Variants in ITGB8 observed in about 807,000 individuals in gnomAD.
ITGB8 encodes the protein integrin beta-8.
In ITGB8, 30 loss-of-function variants were observed where a neutral mutation model predicts 89.5. That is an observed-to-expected ratio of 0.34 (90% confidence interval 0.25 to 0.45). The LOEUF (loss-of-function observed/expected upper bound fraction) is 0.45, where lower values mean the gene tolerates loss of function less well. ITGB8 is among the 20% of genes least tolerant of loss of function. ITGB8 has a pLI of 1.00. For synonymous variants in ITGB8, 335 were observed against 320.4 expected, an observed-to-expected ratio of 1.05 and a Z score of -0.49; for missense variants, 836 against 933.3, an observed-to-expected ratio of 0.90 and a Z score of 1.36.
In ITGB8 at chr7:20,406,058, G is replaced by A; in HGVS notation, c.1914-4G>A. On this transcript the variant is annotated splice_region_variant and splice_polypyrimidine_tract_variant and intron_variant, in intron 11 of 13. Transcript: ENST00000222573. ...AATATTTTCACTTCTGTTTCCCCTT[G>A]CAGGAATTGTATGCAATGCCTTCAC... 6.5e-7 allele frequency: 1 copy of A among 1,546,994 alleles called. No individual in the cohort carries two copies. Among genetic ancestry groups the A allele is most frequent in the Non-Finnish European group, 8.9e-7 (1 of 1,119,402 alleles).
chr7:20,396,161 G>A (rs763644308), intron 8 of ITGB8, among the ~76,000 whole-genome samples: 4 of 152,224 alleles, frequency 2.6e-5, no homozygotes, highest in East Asian at 1.9e-4. Context: ...AACTTAGGCC[G>A]GGCGCGGTGG....
chr7:20,353,322 A>G (rs1389016510), intron 1 of ITGB8: 2 of 152,226 alleles, frequency 1.3e-5, no homozygotes, highest in Non-Finnish European at 2.9e-5. Context: ...TCCCTGAAAC[A>G]TAAAGATTAT....
intron 11 of ITGB8, among the ~76,000 whole-genome samples, chr7:20,405,578 A>G (rs1787506723): frequency 6.6e-6 from 1 of 151,508 alleles, no homozygotes; most frequent in Non-Finnish European, 1.5e-5. Context: ...TCGGCCTCCC[A>G]AAGTGCTGGG....
intron 3 of ITGB8, among the ~76,000 whole-genome samples, chr7:20,374,869 G>A (rs922138925): frequency 1.3e-5 from 2 of 152,104 alleles, no homozygotes; most frequent in Admixed American, 1.3e-4. Flanking sequence ...CAAAAAATAA[G>A]TAATTTGGAT....
chr7:20,395,472 T>C (rs1183854307), intron 8 of ITGB8, among the ~76,000 whole-genome samples: 3 of 152,250 alleles, frequency 2.0e-5, no homozygotes, highest in African/African-American at 7.2e-5. Flanking sequence ...AGCATTTTTA[T>C]CAAAAGAGTT....
At chr7:20,405,762 C>G (rs1414733350) in intron 11 of ITGB8, among the ~76,000 whole-genome samples, 1 of 152,160 alleles carries the variant, frequency 6.6e-6, no homozygotes, top group East Asian at 1.9e-4. Context: ...AATTTGAGAT[C>G]TGCACAAAGA....
intron 6 of ITGB8, chr7:20,382,115 G>A (rs1786424069): frequency 2.5e-6 from 1 of 397,092 alleles, no homozygotes; most frequent in East Asian, 4.0e-5. Context: ...TTTGATGAAT[G>A]ACAAAGCACT....
rs1786886578 is a variant in ITGB8 at position 20,392,139 on chromosome 7, CTG to C, written c.1056+643_1056+644del. Among the ~76,000 whole-genome samples the C allele has an allele frequency of 2.6e-5, 4 of 152,150 alleles. No homozygotes were observed. The South Asian group carries it at 8.3e-4, about 32-fold the overall frequency. ...AGCATAGAACTGTTCCTCTGCAACC[CTG>C]TTATAGCTTTCTTTTCACAATCTTT... On this transcript the variant is annotated intron_variant, in intron 7 of 13. Transcript: ENST00000222573.
chr7:20,360,471 A>G lies in ITGB8; in HGVS notation c.128-3166A>G, dbSNP rs553063780. Among the ~76,000 whole-genome samples the G allele has an allele frequency of 4.6e-5, 7 of 151,014 alleles. No homozygotes were observed. In the East Asian group the frequency reaches 1.2e-3, roughly 25 times the overall value. On this transcript the variant is annotated intron_variant, in intron 1 of 13. Coordinates refer to ENST00000222573, the MANE Select transcript of ITGB8 (RefSeq NM_002214.3). The stretch of plus-strand genomic sequence containing the variant: ...TCAGCCAAATTGTGTACATTACACA[A>G]TAGGTAATTTTTCATCCCTCAGCCC...
intron 1 of ITGB8, among the ~76,000 whole-genome samples, chr7:20,348,444 G>C (rs1785000098): frequency 1.3e-5 from 2 of 152,198 alleles, no homozygotes; most frequent in Non-Finnish European, 2.9e-5. Flanking sequence ...CCTGCCTTCT[G>C]TCTCAGCCTC....
chr7:20,357,105 T>C (rs1338448568), intron 1 of ITGB8, among the ~76,000 whole-genome samples: 2 of 152,138 alleles, frequency 1.3e-5, no homozygotes, highest in Non-Finnish European at 1.5e-5. Context: ...GTCATAACCA[T>C]TTAATTCTGG....
At chr7:20,389,222 G>A (rs10278355) in intron 6 of ITGB8, among the ~76,000 whole-genome samples, 84,823 of 151,998 alleles carry the variant, frequency 0.56, 24,146 homozygotes, top group South Asian at 0.72. Context: ...ACAATGGTTG[G>A]ACTAATTTAC....
At chr7:20,339,608 G>A (rs1443767111) in intron 1 of ITGB8, among the ~76,000 whole-genome samples, 1 of 152,134 alleles carries the variant, frequency 6.6e-6, no homozygotes, top group Non-Finnish European at 1.5e-5. Context: ...ACTAATATTA[G>A]TTTAGGAAAC....
intron 1 of ITGB8, among the ~76,000 whole-genome samples, chr7:20,335,398 G>A (rs963428081): frequency 1.3e-5 from 2 of 152,080 alleles, no homozygotes; most frequent in East Asian, 1.9e-4. Flanking sequence ...TTTTTGATAC[G>A]CATGTATATG....
In ITGB8 at chr7:20,406,055, C is replaced by T. The variant is rs202145576; in HGVS notation, c.1914-7C>T. 2.3e-4 allele frequency: 355 copies of T among 1,531,446 alleles called. No individual in the cohort carries two copies. Among genetic ancestry groups the T allele is most frequent in the Non-Finnish European group, 2.7e-4 (296 of 1,104,824 alleles). The allele number at this position is 1,531,446 out of a possible 1,614,324, so 94.9% of individuals were successfully genotyped here. On this transcript the variant is annotated splice_region_variant and splice_polypyrimidine_tract_variant and intron_variant, in intron 11 of 13. Coordinates refer to ENST00000222573, the MANE Select transcript of ITGB8 (RefSeq NM_002214.3). ...ATAAATATTTTCACTTCTGTTTCCC[C>T]TTGCAGGAATTGTATGCAATGCCTT...
Position 20,391,499 on chromosome 7 carries a change from G to T in ITGB8, c.1056+1G>T. 1 of 1,468,022 alleles carries T rather than the reference G, an allele frequency of 6.8e-7. No homozygotes were observed. The highest frequency in any genetic ancestry group is 9.3e-7 in the Non-Finnish European group (1 of 1,073,464). The allele number at this position is 1,468,022 out of a possible 1,614,324, so 90.9% of individuals were successfully genotyped here. Reference sequence around the variant, plus strand: ...AGGAAAACAATTTCATTGGTATAAGGTATGTTAACTCTGAAAATGTTAAAA... The same window carrying T: ...AGGAAAACAATTTCATTGGTATAAGTTATGTTAACTCTGAAAATGTTAAAA... On this transcript the variant is annotated splice_donor_variant, in intron 7 of 13. Coordinates refer to ENST00000222573, the MANE Select transcript of ITGB8 (RefSeq NM_002214.3). LOFTEE classifies it high-confidence loss of function.
intron 6 of ITGB8, 107 bp downstream of exon 6, chr7:20,381,992 G>A: frequency 1.1e-6 from 1 of 906,570 alleles, no homozygotes; most frequent in South Asian, 1.7e-5. Context: ...ACAAAAGAAA[G>A]ATACAGAACA....
chr7:20,363,721 A>G lies in ITGB8; in HGVS notation c.212A>G (p.Glu71Gly). 2.0e-6 allele frequency: 3 copies of G among 1,536,456 alleles called. No homozygotes were observed. The highest frequency in any genetic ancestry group is 1.2e-5 in the South Asian group (1 of 81,796). ...LGPECGWCVQ[E>G]DFISGGSRSE... ...CCAGAATGTGGATGGTGTGTTCAAG[A>G]GGTGTGCCATTTTTTTTTTTCTTTT... Residue 71 changes from glutamate to glycine, a missense_variant and splice_region_variant, in exon 2 of 14, where the codon GAG becomes GGG. Glu to Gly is a moderately conservative substitution (Grantham distance 98, BLOSUM62 -2). Around this residue, in one of 5 missense-constraint regions of ITGB8, gnomAD observed 182 missense variants for 177.0 expected, o/e 1.03. Coordinates refer to ENST00000222573, the MANE Select transcript of ITGB8 (RefSeq NM_002214.3).
At chr7:20,385,310 G>A (rs188066599) in intron 6 of ITGB8, among the ~76,000 whole-genome samples, 2 of 152,326 alleles carry the variant, frequency 1.3e-5, no homozygotes, top group East Asian at 3.9e-4. Context: ...AAATTGGCAA[G>A]ATCCTACCAC....
Sources: allele counts gnomAD v4.1 joint callset (sites outside exome capture counted in the v4.1 genomes callset), GRCh38; gene constraint gnomAD v4.1.1; regional missense constraint gnomAD v4.1.1; transcripts MANE v1.5; gene names NCBI Gene and HGNC (gene_info 2026-07-23, HGNC 2026-07-21).